Variants in PTPRM observed in about 807,000 individuals in gnomAD.
The protein encoded by PTPRM is protein tyrosine phosphatase receptor type M.
Under a neutral mutation model 186.7 loss-of-function variants are expected in PTPRM, and 47 were observed. The observed-to-expected ratio is 0.25, with a 90% CI of 0.20 to 0.32. The LOEUF (loss-of-function observed/expected upper bound fraction) is 0.32. Among genes scored for constraint, PTPRM ranks in the 10% least tolerant of loss-of-function variants. The pLI, the probability that PTPRM is intolerant of heterozygous loss-of-function variation, is 1.00. For missense variants in PTPRM, 1,494 were observed against 1,865.0 expected, an observed-to-expected ratio of 0.80 and a Z score of 3.66; for synonymous variants, 668 against 674.9, an observed-to-expected ratio of 0.99 and a Z score of 0.16.
intron 19 of PTPRM, among the ~76,000 whole-genome samples, chr18:8,289,957 C>A (rs75578181): frequency 0.01 from 1,562 of 152,284 alleles, 21 homozygotes; most frequent in African/African-American, 0.036. Flanking sequence ...CTCCTTTTGC[C>A]TGCCTTTGTT....
At chr18:7,748,405 T>C (rs1034859663) in intron 1 of PTPRM, among the ~76,000 whole-genome samples, 2 of 152,138 alleles carry the variant, frequency 1.3e-5, no homozygotes. Flanking sequence ...AGTGCCCCCT[T>C]CTTCCTCCCC....
chr18:8,212,612 C>G (rs1174274580), intron 14 of PTPRM, among the ~76,000 whole-genome samples: 2 of 152,122 alleles, frequency 1.3e-5, no homozygotes, highest in Non-Finnish European at 2.9e-5. Flanking sequence ...AGAGACCAAC[C>G]TGGGTGCCAT....
At chr18:7,850,318 G>A (rs1036030304) in intron 2 of PTPRM, among the ~76,000 whole-genome samples, 1 of 152,198 alleles carries the variant, frequency 6.6e-6, no homozygotes, top group Non-Finnish European at 1.5e-5. Flanking sequence ...TAATGTGCTT[G>A]TTTCAGACCA....
chr18:7,642,994 T>G (rs2144196343), intron 1 of PTPRM, among the ~76,000 whole-genome samples: 1 of 152,116 alleles, frequency 6.6e-6, no homozygotes, highest in Admixed American at 6.5e-5. Flanking sequence ...TTTATAAAAC[T>G]TATTTCTTCA....
chr18:7,868,547 G>T (rs1479170282), intron 2 of PTPRM, among the ~76,000 whole-genome samples: 6 of 152,204 alleles, frequency 3.9e-5, no homozygotes, highest in Non-Finnish European at 8.8e-5. Context: ...AGCAAAGATT[G>T]CTGCCTCTTC....
chr18:7,649,048 A>C (rs1007946041), intron 1 of PTPRM, among the ~76,000 whole-genome samples: 1 of 152,194 alleles, frequency 6.6e-6, no homozygotes, highest in Non-Finnish European at 1.5e-5. Context: ...AGTTGAAGCC[A>C]ATGCTTATTG....
chr18:7,946,314 A>T (rs1296732733), intron 5 of PTPRM, among the ~76,000 whole-genome samples: 1 of 152,214 alleles, frequency 6.6e-6, no homozygotes, highest in South Asian at 2.1e-4. Context: ...TTACAAAAGG[A>T]TATTATTACA....
At chr18:7,764,837 T>A (rs2041944335) in intron 1 of PTPRM, among the ~76,000 whole-genome samples, 1 of 152,240 alleles carries the variant, frequency 6.6e-6, no homozygotes, top group African/African-American at 2.4e-5. Flanking sequence ...TTCATCATTT[T>A]GTTTTCATTT....
chr18:7,788,994 C>T lies in PTPRM; in HGVS notation c.196+14723C>T, dbSNP rs1230349039. Among the ~76,000 whole-genome samples the T allele has an allele frequency of 2.6e-5, 4 of 152,106 alleles. No individual in the cohort carries two copies. The East Asian group carries it at 7.7e-4, about 29-fold the overall frequency. ...TCAGTAAATACTTATGAAGTATGTACTGTGGAATAGCTGTTATTGTATCCT... is the reference window on the plus strand; with the variant it reads ...TCAGTAAATACTTATGAAGTATGTATTGTGGAATAGCTGTTATTGTATCCT... On this transcript the variant is annotated intron_variant, in intron 2 of 32. Coordinates refer to ENST00000580170, the MANE Select transcript of PTPRM (RefSeq NM_001105244.2).
chr18:8,399,860 C>G (rs1421540460), intron 32 of PTPRM: 1 of 152,218 alleles, frequency 6.6e-6, no homozygotes, highest in African/African-American at 2.4e-5. Flanking sequence ...CAACTAAAAG[C>G]CATTAGACGA....
At chr18:7,800,999 T>C (rs1008441040) in intron 2 of PTPRM, among the ~76,000 whole-genome samples, 1 of 152,108 alleles carries the variant, frequency 6.6e-6, no homozygotes, top group Non-Finnish European at 1.5e-5. Flanking sequence ...GATTGGAAGT[T>C]GCTCTGGATG....
chr18:8,113,886 T>C, intron 12 of PTPRM, 127 bp downstream of exon 12: 1 of 1,015,610 alleles, frequency 9.8e-7, no homozygotes, highest in Non-Finnish European at 1.4e-6. Flanking sequence ...AAATGTGATT[T>C]TCTTCTCTTA....
intron 1 of PTPRM, among the ~76,000 whole-genome samples, chr18:7,585,367 A>G (rs2036952326): frequency 6.6e-6 from 1 of 152,204 alleles, no homozygotes; most frequent in South Asian, 2.1e-4. Flanking sequence ...GGGAAATTGC[A>G]GAGAGGATTG....
chr18:7,850,719 C>A (rs1530389), intron 2 of PTPRM, among the ~76,000 whole-genome samples: 1 of 152,018 alleles, frequency 6.6e-6, no homozygotes, highest in Non-Finnish European at 1.5e-5. Flanking sequence ...AATCTGTTCC[C>A]AGCCTGTGCC....
intron 19 of PTPRM, among the ~76,000 whole-genome samples, chr18:8,257,402 A>G (rs936622235): frequency 3.3e-5 from 5 of 152,186 alleles, no homozygotes; most frequent in Admixed American, 3.3e-4. Flanking sequence ...AAAAGAGAAG[A>G]AAGACTCAAA....
At chr18:8,377,081 T>A (rs914017269) in intron 26 of PTPRM, 1 of 156,376 alleles carries the variant, frequency 6.4e-6, no homozygotes. Context: ...TTTTGTGAAG[T>A]ACTGTATACT....
At chr18:7,883,985 A>C (rs1397699131) in intron 2 of PTPRM, among the ~76,000 whole-genome samples, 4 of 150,288 alleles carry the variant, frequency 2.7e-5, no homozygotes, top group African/African-American at 1.0e-4. Flanking sequence ...TACAAAATAA[A>C]AAATAAAAAA....
chr18:8,265,269 C>T (rs2094686672), intron 19 of PTPRM, among the ~76,000 whole-genome samples: 1 of 152,198 alleles, frequency 6.6e-6, no homozygotes, highest in Non-Finnish European at 1.5e-5. Context: ...CATTGCTCCT[C>T]CCTGCTCTAG....
At chr18:8,136,548 T>C (rs1347793053) in intron 13 of PTPRM, among the ~76,000 whole-genome samples, 1 of 152,152 alleles carries the variant, frequency 6.6e-6, no homozygotes, top group Non-Finnish European at 1.5e-5. Context: ...AAAATTATGT[T>C]TCTGATTATT....
Sources: allele counts gnomAD v4.1 joint callset (sites outside exome capture counted in the v4.1 genomes callset), GRCh38; gene constraint gnomAD v4.1.1; transcripts MANE v1.5; gene names NCBI Gene and HGNC (gene_info 2026-07-23, HGNC 2026-07-21).